Variants in FGF12 observed in about 807,000 individuals in gnomAD.
FGF12 encodes fibroblast growth factor 12B.
Under a neutral mutation model 23.6 loss-of-function variants are expected in FGF12, and 14 were observed. The ratio of observed to expected loss-of-function variants is 0.59; its 90% CI spans 0.39 to 0.93. The LOEUF is 0.93. FGF12 is among the 40% of genes least tolerant of loss of function. The probability of loss-of-function intolerance (pLI) is 0.00; values close to 1 mark genes in which losing one functional copy is unlikely to be tolerated. For synonymous variants in FGF12, 62 were observed against 77.3 expected (o/e 0.80, Z 1.04); for missense variants, 175 against 217.8 (o/e 0.80, Z 1.24).
At chr3:192,698,813 A>G (rs1039244092) in intron 2 of FGF12, among the ~76,000 whole-genome samples, 4 of 152,184 alleles carry the variant, frequency 2.6e-5, no homozygotes, top group African/African-American at 4.8e-5. Flanking sequence ...TCTTCCCCCA[A>G]AAGGTGAGAA....
intron 2 of FGF12, among the ~76,000 whole-genome samples, chr3:192,380,240 C>A (rs1270921974): frequency 6.6e-6 from 1 of 152,162 alleles, no homozygotes; most frequent in Non-Finnish European, 1.5e-5. Flanking sequence ...TACTGCACTG[C>A]AGATAAACCT....
intron 4 of FGF12, among the ~76,000 whole-genome samples, chr3:192,211,850 A>C (rs998471233): frequency 6.6e-6 from 1 of 152,240 alleles, no homozygotes; most frequent in Admixed American, 6.5e-5. Flanking sequence ...AATACAAAAT[A>C]GCTTTCCCTT....
chr3:192,268,461 T>C (rs954608691), intron 4 of FGF12, among the ~76,000 whole-genome samples: 1 of 152,218 alleles, frequency 6.6e-6, no homozygotes, highest in African/African-American at 2.4e-5. Context: ...CATTTTGAAA[T>C]GTAATCTCCA....
chr3:192,144,871 A>T (rs1713609521), intron 5 of FGF12, among the ~76,000 whole-genome samples: 1 of 152,236 alleles, frequency 6.6e-6, no homozygotes, highest in Admixed American at 6.5e-5. Flanking sequence ...TATTCAAGTT[A>T]TTCTTACAAA....
intron 2 of FGF12, among the ~76,000 whole-genome samples, chr3:192,691,179 A>G (rs542376310): frequency 2.0e-5 from 3 of 152,144 alleles, no homozygotes; most frequent in Non-Finnish European, 4.4e-5. Context: ...TCTTCAGTAC[A>G]AATGAGCCTA....
chr3:192,379,664 A>G (rs1160412722), intron 2 of FGF12, among the ~76,000 whole-genome samples: 3 of 152,224 alleles, frequency 2.0e-5, no homozygotes, highest in Non-Finnish European at 4.4e-5. Flanking sequence ...ATAATTGTGG[A>G]TTTTTATTAA....
intron 2 of FGF12, among the ~76,000 whole-genome samples, chr3:192,442,968 C>T (rs754802146): frequency 2.0e-5 from 3 of 151,908 alleles, no homozygotes; most frequent in Admixed American, 6.6e-5. Flanking sequence ...CCACCATGCC[C>T]GGCTAATTTT....
intron 4 of FGF12, among the ~76,000 whole-genome samples, chr3:192,193,067 G>A (rs560578094): frequency 6.6e-6 from 1 of 152,288 alleles, no homozygotes; most frequent in Non-Finnish European, 1.5e-5. Flanking sequence ...TAGAACAGAA[G>A]TTGGGTATCA....
chr3:192,318,631 A>T (rs542668688), intron 4 of FGF12, among the ~76,000 whole-genome samples: 1 of 152,140 alleles, frequency 6.6e-6, no homozygotes, highest in Non-Finnish European at 1.5e-5. Flanking sequence ...GTTGGCCTTA[A>T]GGAGGAAGTA....
chr3:192,347,744 C>T (rs1357067003), intron 3 of FGF12, among the ~76,000 whole-genome samples: 1 of 152,082 alleles, frequency 6.6e-6, no homozygotes, highest in Non-Finnish European at 1.5e-5. Flanking sequence ...GGCTTCTTAC[C>T]CAATTTGTCA....
rs538363364 is a variant in FGF12, at chr3:192,727,407, G to T, written c.-131+77C>A. ...GAGCAGCAGCAGATTGCCTCTACAG[G>T]GGATACGTTGCGACGCGCATCTGAT... is the stretch of plus-strand genomic sequence containing the variant. On this transcript the variant is annotated intron_variant, in intron 1 of 5. Coordinates refer to ENST00000445105, the MANE Select transcript of FGF12 (RefSeq NM_004113.6). 16 of 1,412,386 alleles carry T rather than the reference G, an allele frequency of 1.1e-5. No individual in the cohort carries two copies. The African/African-American group carries it at 1.9e-4, about 17-fold the overall frequency. 87.5% of individuals were successfully genotyped at this position (1,412,386 alleles called of 1,614,324 possible). A position where few individuals can be genotyped will look rare whatever the true frequency, so the allele number is the denominator to read the frequency against.
chr3:192,295,332 G>A lies in FGF12; in HGVS notation c.228+40029C>T, dbSNP rs114033407. On this transcript the variant is annotated intron_variant, in intron 4 of 5. Coordinates refer to ENST00000445105, the MANE Select transcript of FGF12 (RefSeq NM_004113.6). ...ATTTTGGAAATATTTATACCACTAG[G>A]TCATCATGACCTTTGAATATAACCA... is the stretch of plus-strand genomic sequence containing the variant. Among the ~76,000 whole-genome samples the A allele has an allele frequency of 6.5e-3, 992 of 152,200 alleles. 10 individuals are homozygous for A. Among genetic ancestry groups the A allele is most frequent in the African/African-American group, 0.023 (955 of 41,498 alleles).
At chr3:192,185,291 CTGAAA>C (rs1299050775) in intron 4 of FGF12, among the ~76,000 whole-genome samples, 1 of 152,226 alleles carries the variant, frequency 6.6e-6, no homozygotes, top group Non-Finnish European at 1.5e-5. Context: ...TTATTTCTCA[CTGAAA>C]TAAGATACTT....
At chr3:192,645,748 C>T (rs1160751861) in intron 2 of FGF12, among the ~76,000 whole-genome samples, 1 of 110,864 alleles carries the variant, frequency 9.0e-6, no homozygotes, top group Non-Finnish European at 1.7e-5. Context: ...GCTGAGGATA[C>T]AGCAGTTGAC....
chr3:192,568,988 T>C (rs1712470406), intron 2 of FGF12, among the ~76,000 whole-genome samples: 1 of 152,106 alleles, frequency 6.6e-6, no homozygotes. Context: ...TTCTCCAAAG[T>C]TGAATAAATG....
intron 2 of FGF12, among the ~76,000 whole-genome samples, chr3:192,550,532 A>G (rs1269612205): frequency 6.6e-6 from 1 of 151,920 alleles, no homozygotes; most frequent in Non-Finnish European, 1.5e-5. Context: ...ACCATGAGTA[A>G]TGCAGAAATA....
intron 2 of FGF12, among the ~76,000 whole-genome samples, chr3:192,376,977 G>A (rs941742602): frequency 2.6e-5 from 4 of 152,086 alleles, no homozygotes; most frequent in African/African-American, 4.8e-5. Context: ...AGTATTTCAC[G>A]GATTTCCCCA....
intron 2 of FGF12, among the ~76,000 whole-genome samples, chr3:192,588,947 G>A (rs1713504687): frequency 6.6e-6 from 1 of 151,952 alleles, no homozygotes. Flanking sequence ...CTCCATAACA[G>A]AATACTCAAG....
chr3:192,636,347 A>G (rs1050174203), intron 2 of FGF12, among the ~76,000 whole-genome samples: 3 of 152,206 alleles, frequency 2.0e-5, no homozygotes, highest in African/African-American at 7.2e-5. Flanking sequence ...CCACATTTTG[A>G]GGGTTCAAAT....
Sources: allele counts gnomAD v4.1 joint callset (sites outside exome capture counted in the v4.1 genomes callset), GRCh38; gene constraint gnomAD v4.1.1; transcripts MANE v1.5; gene names NCBI Gene and HGNC (gene_info 2026-07-23, HGNC 2026-07-21).